Variants in KLK7 observed in about 807,000 individuals in gnomAD.
KLK7 encodes the protein kallikrein related peptidase 7.
A neutral mutation model predicts 21.0 loss-of-function variants in KLK7; 17 were observed. The observed-to-expected ratio is 0.81, with a 90% CI of 0.55 to 1.21. The LOEUF (loss-of-function observed/expected upper bound fraction) is 1.21, where lower values mean the gene tolerates loss of function less well. KLK7 is among the 50% of genes most tolerant of loss of function. The probability of loss-of-function intolerance (pLI) is 0.00; values close to 1 mark genes in which losing one functional copy is unlikely to be tolerated. For missense variants in KLK7, 330 were observed against 322.8 expected (o/e 1.02, Z -0.17); for synonymous variants, 151 against 134.6 (o/e 1.12, Z -0.85).
chr19:50,983,739 C>T (rs2091109652), intron 1 of KLK7, 112 bp downstream of exon 1: 4 of 1,239,670 alleles, frequency 3.2e-6, no homozygotes, highest in African/African-American at 3.1e-5. Flanking sequence ...GCCCTCACTG[C>T]TCAGGACCGG....
intron 1 of KLK7, 134 bp downstream of exon 1, chr19:50,983,717 G>T: frequency 8.7e-7 from 1 of 1,152,392 alleles, no homozygotes; most frequent in Non-Finnish European, 1.1e-6. Context: ...GCCCCAAATT[G>T]CAGACTTCCA....
upstream of KLK7, chr19:50,983,999 T>C: frequency 8.9e-7 from 1 of 1,124,882 alleles, no homozygotes; most frequent in Non-Finnish European, 1.2e-6. Context: ...CGGAGCCGAC[T>C]CTGGGACACC....
intron 5 of KLK7, among the ~76,000 whole-genome samples, chr19:50,978,357 G>A (rs2091051530): frequency 6.6e-6 from 1 of 152,050 alleles, no homozygotes; most frequent in Non-Finnish European, 1.5e-5. Context: ...TGAAGGTGCA[G>A]ATGTGAGCAA....
chr19:50,977,756 T>G, intron 5 of KLK7, 65 bp from the exon 6 acceptor site: 1 of 1,499,418 alleles, frequency 6.7e-7, no homozygotes, highest in Non-Finnish European at 9.2e-7. Flanking sequence ...TTCTCATACA[T>G]TCCTCAGTTA....
At chr19:50,978,601 G>A (rs1382477379) in intron 5 of KLK7, among the ~76,000 whole-genome samples, 2 of 119,514 alleles carry the variant, frequency 1.7e-5, no homozygotes, top group Non-Finnish European at 3.4e-5. Context: ...AGAGGGAGAA[G>A]AGAGAGACAA....
chr19:50,981,683 T>G lies in KLK7; in HGVS notation c.221+84A>C, dbSNP rs72483935. 272 of 1,294,732 alleles carry G rather than the reference T, an allele frequency of 2.1e-4. 1 individual carries two copies. In the East Asian group the frequency reaches 3.8e-3, roughly 18 times the overall value. 80.2% of individuals were successfully genotyped at this position (1,294,732 alleles called of 1,614,324 possible). ...ACCCAGAGAGAGGAGAATAGAGCCG[T>G]AGGCACAGAAAGACTGCCCTTCCAC... On this transcript the variant is annotated intron_variant, in intron 3 of 5. Coordinates refer to ENST00000595820, the MANE Select transcript of KLK7 (RefSeq NM_005046.4).
chr19:50,978,621 G>C (rs569868047), intron 5 of KLK7, among the ~76,000 whole-genome samples: 2 of 137,220 alleles, frequency 1.5e-5, no homozygotes, highest in Non-Finnish European at 3.2e-5. Context: ...AAGAGAAAGG[G>C]GGGGAAGGTG....
In KLK7 at chr19:50,982,316, C is replaced by CCAGCTTT. The variant is rs1465401716; in HGVS notation, c.73+4_73+10dup. ...CTGAGGTGAGGTCAGACTTCCCAGT[C>CCAGCTTT]CAGCTTTCACCTTCTTCTCCTGCAG... On this transcript the variant is annotated intron_variant, in intron 2 of 5. Coordinates refer to ENST00000595820, the MANE Select transcript of KLK7 (RefSeq NM_005046.4). 2 of 1,608,096 alleles carry CCAGCTTT rather than the reference C, an allele frequency of 1.2e-6. No individual in the cohort carries two copies. Among genetic ancestry groups the CCAGCTTT allele is most frequent in the African/African-American group, 1.3e-5 (1 of 74,852 alleles).
intron 5 of KLK7, among the ~76,000 whole-genome samples, chr19:50,978,346 C>T (rs749110694): frequency 2.6e-5 from 4 of 151,918 alleles, no homozygotes; most frequent in African/African-American, 9.7e-5. Flanking sequence ...CCCCTGACAG[C>T]TGAAGGTGCA....
At chr19:50,982,894 C>T (rs552942496) in intron 1 of KLK7, among the ~76,000 whole-genome samples, 1 of 112,874 alleles carries the variant, frequency 8.9e-6, no homozygotes, top group East Asian at 2.7e-4. Flanking sequence ...CCCAACCCCT[C>T]CTCCCTCAGA....
At position 50,981,901 on chromosome 19, in the gene KLK7, C is replaced by G. The variant is rs1426805079; in HGVS notation, c.87G>C (p.Lys29Asn). 1.2e-6 allele frequency: 2 copies of G among 1,612,798 alleles called. No homozygotes were observed. Among genetic ancestry groups the G allele is most frequent in the Non-Finnish European group, 1.7e-6 (2 of 1,179,628 alleles). The stretch of plus-strand genomic sequence containing the variant: ...TTGCACATGGGGCGCCATCAATAAT[C>G]TTGTCACCCTGGGCTGGATGGAGAC... ...ETAGEEAQGD[K>N]IIDGAPCARG... Residue 29 changes from lysine (K) to asparagine (N), a missense_variant, in exon 3 of 6, where the codon AAG becomes AAC. Transcript: ENST00000595820.
intron 2 of KLK7, 171 bp downstream of exon 2, chr19:50,982,156 A>C (rs2091094326): frequency 9.5e-6 from 9 of 942,658 alleles, no homozygotes; most frequent in Non-Finnish European, 1.4e-5. Flanking sequence ...CCTGGAGGGG[A>C]CAGAGACCCC....
chr19:50,980,293 G>C lies in KLK7; in HGVS notation c.416C>G (p.Pro139Arg). ...GGAGACAGTACAGGTGGTTCCAGGG[G>C]GTTCGCAGCGGGAGGGCAGCCTGAC... is the stretch of plus-strand genomic sequence containing the variant. ...KKVRLPSRCE[P>R]PGTTCTVSGW... Residue 139 changes from proline (P) to arginine (R), a missense_variant, in exon 4 of 6, where the codon CCC becomes CGC. Pro to Arg is a moderately radical substitution (Grantham distance 103). Coordinates refer to ENST00000595820, the MANE Select transcript of KLK7 (RefSeq NM_005046.4). The C allele has an allele frequency of 6.2e-7, 1 of 1,614,036 alleles. No individual in the cohort carries two copies. The highest frequency in any genetic ancestry group is 8.5e-7 in the Non-Finnish European group (1 of 1,179,978).
chr19:50,978,561 AAG>A (rs976483749), intron 5 of KLK7, among the ~76,000 whole-genome samples: 4 of 133,204 alleles, frequency 3.0e-5, no homozygotes, highest in African/African-American at 5.6e-5. Flanking sequence ...GTGGGAAGAG[AAG>A]AGAGAGAGAG....
At chr19:50,982,137 G>A (rs1421433228) in intron 2 of KLK7, 190 bp downstream of exon 2, 4 of 864,878 alleles carry the variant, frequency 4.6e-6, no homozygotes, top group Non-Finnish European at 7.0e-6. Context: ...CTGAGCACAG[G>A]AGGCAGGGCC....
upstream of KLK7, chr19:50,984,017 G>T: frequency 1.1e-6 from 1 of 943,454 alleles, no homozygotes; most frequent in African/African-American, 1.7e-5. Context: ...ACCCCCGCCT[G>T]CATTTGCGGT....
rs2091068892 is a variant in KLK7 at position 50,980,356 on chromosome 19, A to G, written c.353T>C (p.Leu118Pro). ...THVNDLMLVK[L>P]NSQARLSSMV... Reference sequence around the variant, plus strand: ...GGATGACAGCCTGGCCTGGCTATTGAGCTTCACGAGCATGAGGTCATTAAC... The same window carrying G: ...GGATGACAGCCTGGCCTGGCTATTGGGCTTCACGAGCATGAGGTCATTAAC... The change falls in exon 4 of 6, where the codon CTC becomes CCC. Residue 118 changes from leucine (L) to proline (P), a missense_variant. Coordinates refer to ENST00000595820, the MANE Select transcript of KLK7 (RefSeq NM_005046.4). The G allele has an allele frequency of 6.2e-7, 1 of 1,613,846 alleles. No homozygotes were observed. The highest frequency in any genetic ancestry group is 1.3e-5 in the African/African-American group (1 of 74,848).
chr19:50,981,463 G>A (rs570990577), intron 3 of KLK7, among the ~76,000 whole-genome samples: 1 of 135,242 alleles, frequency 7.4e-6, no homozygotes, highest in East Asian at 2.4e-4. Flanking sequence ...AGAGAGAGAG[G>A]GACAGAGACC....
Position 50,977,285 on chromosome 19 carries a change from C to T in KLK7, c.*251G>A, listed in dbSNP as rs541879271. The T allele has an allele frequency of 5.7e-5, 27 of 475,516 alleles. No individual in the cohort carries two copies. The highest frequency in any genetic ancestry group is 2.2e-4 in the Admixed American group (6 of 27,752). The allele number at this position is 475,516 out of a possible 1,614,324, so 29.5% of individuals were successfully genotyped here. A position where few individuals can be genotyped will look rare whatever the true frequency, so the allele number is the denominator to read the frequency against. ...CCAAGTGTCTTCCGTAAAGACTGTACGAACGTCCAGTTCCAGTGTTTGAGA... is the reference window on the plus strand; with the variant it reads ...CCAAGTGTCTTCCGTAAAGACTGTATGAACGTCCAGTTCCAGTGTTTGAGA... On this transcript the variant is annotated 3_prime_UTR_variant, in exon 6 of 6. Coordinates refer to ENST00000595820, the MANE Select transcript of KLK7 (RefSeq NM_005046.4).
Sources: gnomAD v4.1 joint callset for allele counts (sites outside exome capture counted in the v4.1 genomes callset) on GRCh38, gnomAD v4.1.1 for gene constraint, MANE v1.5 for transcripts, NCBI Gene and HGNC (gene_info 2026-07-23, HGNC 2026-07-21) for gene names.